SP140: variants seen among roughly 807,000 people sequenced by gnomAD.
SP140 encodes the protein SP140 nuclear body protein.
Under a neutral mutation model 125.0 loss-of-function variants are expected in SP140, and 81 were observed. That is an observed-to-expected ratio of 0.65 (90% CI 0.54 to 0.78). The LOEUF (loss-of-function observed/expected upper bound fraction) is 0.78, where lower values mean the gene tolerates loss of function less well. SP140 is among the 30% of genes least tolerant of loss of function. The pLI is 0.00. For missense variants in SP140, 858 were observed against 1,037.0 expected (o/e 0.83, Z 2.37); for synonymous variants, 312 against 354.0 (o/e 0.88, Z 1.33).
chr2:230,291,921 CGTCT>C (rs2057162557), intron 19 of SP140, among the ~76,000 whole-genome samples: 1 of 152,186 alleles, frequency 6.6e-6, no homozygotes, highest in South Asian at 2.1e-4. Context: ...ACTTTGTTAT[CGTCT>C]GTCTGTCTTT....
chr2:230,259,668 C>A (rs2051853646), intron 12 of SP140, among the ~76,000 whole-genome samples: 1 of 149,576 alleles, frequency 6.7e-6, no homozygotes, highest in Non-Finnish European at 1.5e-5. Flanking sequence ...GCCTGGGTGA[C>A]AGAACGAGAC....
chr2:230,314,370 A>G (rs1236985900), downstream of SP140, among the ~76,000 whole-genome samples: 1 of 152,180 alleles, frequency 6.6e-6, no homozygotes, highest in Non-Finnish European at 1.5e-5. Context: ...CCTCCGAAGG[A>G]GCTGTAGGAC....
chr2:230,193,532 T>A, the SP140 span, among the ~76,000 whole-genome samples: 2 of 152,244 alleles, frequency 1.3e-5, no homozygotes, highest in Non-Finnish European at 2.9e-5. Flanking sequence ...TTTTGGCATT[T>A]CTTATAAAGC....
intron 15 of SP140, among the ~76,000 whole-genome samples, chr2:230,275,952 A>G (rs571237947): frequency 3.9e-5 from 6 of 152,300 alleles, no homozygotes; most frequent in Admixed American, 2.6e-4. Context: ...CCTCAATTCT[A>G]TGAAGGCTGA....
the SP140 span, among the ~76,000 whole-genome samples, chr2:230,187,467 C>T: frequency 2.0e-5 from 3 of 152,034 alleles, no homozygotes; most frequent in Non-Finnish European, 4.4e-5. Context: ...TGTTTATTTC[C>T]TTTGCTACGA....
downstream of SP140, among the ~76,000 whole-genome samples, chr2:230,315,432 T>C (rs2059478128): frequency 6.6e-6 from 1 of 152,172 alleles, no homozygotes; most frequent in Non-Finnish European, 1.5e-5. Flanking sequence ...AGCCCTATCA[T>C]AGCCCCTGTT....
chr2:230,241,536 T>C, intron 4 of SP140, 49 bp downstream of exon 4: 1 of 1,118,242 alleles, frequency 8.9e-7, no homozygotes, highest in South Asian at 1.2e-5. Flanking sequence ...TTTGCTTCCT[T>C]GCCTTCATGG....
intron 1 of SP140, among the ~76,000 whole-genome samples, chr2:230,228,129 A>T (rs2046726317): frequency 6.6e-6 from 1 of 152,122 alleles, no homozygotes; most frequent in Non-Finnish European, 1.5e-5. Context: ...ACTTCAAAAT[A>T]TTTTTAAAAT....
intron 1 of SP140, among the ~76,000 whole-genome samples, chr2:230,231,990 T>G (rs1255916721): frequency 5.9e-5 from 9 of 152,044 alleles, no homozygotes; most frequent in Non-Finnish European, 1.5e-5. Flanking sequence ...ATTACAGGTG[T>G]GAGCCACCGT....
At chr2:230,187,517 T>C in the SP140 span, among the ~76,000 whole-genome samples, 1 of 152,334 alleles carries the variant, frequency 6.6e-6, no homozygotes, top group East Asian at 1.9e-4. Context: ...TTATTTATTT[T>C]TGTTTTTGTT....
At chr2:230,261,503 G>C (rs1323433828) in intron 12 of SP140, among the ~76,000 whole-genome samples, 1 of 152,130 alleles carries the variant, frequency 6.6e-6, no homozygotes, top group Non-Finnish European at 1.5e-5. Context: ...AAGAGGAGTG[G>C]CGAGAGTGGG....
chr2:230,247,897 T>G lies in SP140; in HGVS notation c.743-19T>G. Reference sequence around the variant, plus strand: ...TGGAAATTACATACACTCTCAGAGATGCCTTTTTTGATCCCTAGTTCTAGA... The same window carrying G: ...TGGAAATTACATACACTCTCAGAGAGGCCTTTTTTGATCCCTAGTTCTAGA... On this transcript the variant is annotated intron_variant, in intron 7 of 26. Transcript: ENST00000392045. 1 of 1,611,862 alleles carries G rather than the reference T, an allele frequency of 6.2e-7. No homozygotes were observed. The highest frequency in any genetic ancestry group is 8.5e-7 in the Non-Finnish European group (1 of 1,178,814).
chr2:230,295,626 T>C (rs1335903979), intron 21 of SP140, among the ~76,000 whole-genome samples: 1 of 152,212 alleles, frequency 6.6e-6, no homozygotes, highest in Non-Finnish European at 1.5e-5. Flanking sequence ...GGATCCATTA[T>C]GAACTCCATG....
chr2:230,219,106 TC>T (rs1360439230), intron 3 of SP140, among the ~76,000 whole-genome samples: 2 of 152,258 alleles, frequency 1.3e-5, no homozygotes, highest in East Asian at 1.9e-4. Context: ...ACATCTGTAG[TC>T]CCAGTTACTC....
intron 17 of SP140, 48 bp downstream of exon 17, chr2:230,285,880 A>G (rs1456167121): frequency 7.2e-7 from 1 of 1,386,456 alleles, no homozygotes; most frequent in Admixed American, 1.7e-5. Context: ...GGTCAATACA[A>G]ATTTTACTGA....
chr2:230,247,852 A>C, intron 7 of SP140, 64 bp from the exon 8 acceptor site: 1 of 1,531,288 alleles, frequency 6.5e-7, no homozygotes, highest in Admixed American at 1.8e-5. Flanking sequence ...CATCATGCTC[A>C]CTAATCTAGT....
intron 1 of SP140, among the ~76,000 whole-genome samples, chr2:230,206,629 A>ATATATATATATT: frequency 9.6e-6 from 1 of 104,644 alleles, no homozygotes; most frequent in Non-Finnish European, 2.0e-5. Flanking sequence ...ATATATATAT[A>ATATATATATATT]TATATATATG....
upstream of SP140, chr2:230,202,696 T>C: frequency 6.2e-7 from 1 of 1,614,166 alleles, no homozygotes; most frequent in Non-Finnish European, 8.5e-7. Context: ...CTTTTGAGCT[T>C]CTTTTGGATT....
chr2:230,311,064 G>C (rs1305203548), intron 24 of SP140, 90 bp from the exon 25 acceptor site: 1 of 1,600,622 alleles, frequency 6.2e-7, no homozygotes, highest in East Asian at 2.2e-5. Context: ...GAAACTTGAG[G>C]AAGAAGGGTG....
Sources: gnomAD v4.1 joint callset for allele counts (sites outside exome capture counted in the v4.1 genomes callset) on GRCh38, gnomAD v4.1.1 for gene constraint, MANE v1.5 for transcripts, NCBI Gene and HGNC (gene_info 2026-07-23, HGNC 2026-07-21) for gene names.